The following ECE1 variants were observed in gnomAD, a reference collection of about 807,000 sequenced individuals.
The protein encoded by ECE1 is endothelin-converting enzyme 1.
In ECE1, 35 loss-of-function variants were observed where a neutral mutation model predicts 98.6. That is an observed-to-expected ratio of 0.35 (90% CI 0.27 to 0.47). The LOEUF is 0.47. Ranked by LOEUF, ECE1 falls within the 20% of genes least tolerant of loss-of-function variation. The probability of loss-of-function intolerance (pLI) is 1.00; values close to 1 mark genes in which losing one functional copy is unlikely to be tolerated. For synonymous variants in ECE1, 394 were observed against 407.1 expected, an observed-to-expected ratio of 0.97 and a Z score of 0.39; for missense variants, 814 against 1,025.3, an observed-to-expected ratio of 0.79 and a Z score of 2.81.
chr1:21,320,058 G>A (rs1368435498), intron 1 of ECE1, among the ~76,000 whole-genome samples: 1 of 152,222 alleles, frequency 6.6e-6, no homozygotes, highest in African/African-American at 2.4e-5. Context: ...ATCTCAGAAT[G>A]TTTTAAGAAA....
rs375453974 is a variant in ECE1, at chr1:21,227,198, C to A, written c.1810G>T (p.Val604Phe). The A allele has an allele frequency of 6.2e-7, 1 of 1,614,114 alleles. No homozygotes were observed. The highest frequency in any genetic ancestry group is 1.3e-5 in the African/African-American group (1 of 75,038). ...GCATGAGTCAGCTCATGGCCCACGA[C>A]GACACCTATGCCACCAAAGTTTAAG... ...KALNFGGIGV[V>F]VGHELTHAFD... The change falls in exon 16 of 19, where the codon GTC becomes TTC. Residue 604 changes from valine (V) to phenylalanine (F), a missense_variant. Coordinates refer to ENST00000374893, the MANE Select transcript of ECE1 (RefSeq NM_001397.3).
intron 2 of ECE1, chr1:21,279,553 C>T: frequency 6.9e-7 from 1 of 1,447,524 alleles, no homozygotes; most frequent in Non-Finnish European, 9.1e-7. Flanking sequence ...GAGAGTCAAG[C>T]AGCTCGGCCC....
rs781471201 is a variant in ECE1, at chr1:21,256,031, C to T, written c.936G>A (p.Thr312=). The change falls in exon 8 of 19, where the codon ACG becomes ACA. Residue 312 remains threonine, a synonymous_variant. Coordinates refer to ENST00000374893, the MANE Select transcript of ECE1 (RefSeq NM_001397.3). ...PQMQQILDFE[T]ALANITIPQE... is the part of the protein sequence containing the mutation. ...GTGGGATGGTGATGTTGGCCAGTGCCGTCTCAAAGTCCAAGATCTGCTGCA... is the reference window on the plus strand; with the variant it reads ...GTGGGATGGTGATGTTGGCCAGTGCTGTCTCAAAGTCCAAGATCTGCTGCA... The T allele has an allele frequency of 6.2e-6, 10 of 1,613,778 alleles. No homozygotes were observed. The highest frequency in any genetic ancestry group is 2.2e-5 in the South Asian group (2 of 91,084).
chr1:21,234,070 C>G (rs1444675652), intron 13 of ECE1, among the ~76,000 whole-genome samples: 1 of 152,126 alleles, frequency 6.6e-6, no homozygotes, highest in Non-Finnish European at 1.5e-5. Context: ...TCACTGCAAC[C>G]TCCACCTCCT....
rs556617559 is a variant in ECE1 at position 21,340,857 on chromosome 1, TA to T, written c.3+4518del. Among the ~76,000 whole-genome samples the T allele has an allele frequency of 5.0e-3, 757 of 152,106 alleles. 11 individuals carry two copies. Among genetic ancestry groups the T allele is most frequent in the African/African-American group, 0.018 (729 of 41,470 alleles). ...AATAAATAAGTAAATTAATTAAATTTAAAAAATAAACTCCTGAGTGGCTCCC... is the reference window on the plus strand; with the variant it reads ...AATAAATAAGTAAATTAATTAAATTTAAAAATAAACTCCTGAGTGGCTCCC... On this transcript the variant is annotated intron_variant, in intron 1 of 18. Transcript: ENST00000415912. This position sits in a 1 kb window ranked among gnomAD's most constrained non-coding sequence, Gnocchi z 4.6.
At chr1:21,257,635 G>C (rs41497052) in intron 6 of ECE1, 45 bp from the exon 7 acceptor site, 14 of 1,589,794 alleles carry the variant, frequency 8.8e-6, no homozygotes, top group Non-Finnish European at 1.7e-6. Context: ...GTTGCAATGC[G>C]TGTATCCACT....
chr1:21,332,844 G>A (rs1328329296), intron 1 of ECE1, among the ~76,000 whole-genome samples: 1 of 150,042 alleles, frequency 6.7e-6, no homozygotes, highest in Admixed American at 6.6e-5. Flanking sequence ...CACAGGATGG[G>A]GGTGGGGTGG....
In ECE1 at chr1:21,235,979, G is replaced by A. The variant is rs2098187512; in HGVS notation, c.1489-52C>T. 6.4e-7 allele frequency: 1 copy of A among 1,563,930 alleles called. No individual in the cohort carries two copies. Among genetic ancestry groups the A allele is most frequent in the South Asian group, 1.1e-5 (1 of 90,016 alleles). ...GTGCCCGGCAACATCGACCAGGCCA[G>A]CCTGAGCAACTTGGGTGCTGGGCTC... On this transcript the variant is annotated intron_variant, in intron 12 of 18. Coordinates refer to ENST00000374893, the MANE Select transcript of ECE1 (RefSeq NM_001397.3). The surrounding 1 kb of genome is among the most constrained non-coding windows in gnomAD (Gnocchi z 4.2).
chr1:21,313,028 C>A (rs1330540135), intron 1 of ECE1, among the ~76,000 whole-genome samples: 1 of 152,154 alleles, frequency 6.6e-6, no homozygotes, highest in Non-Finnish European at 1.5e-5. Context: ...GCTTGGATCA[C>A]ACAGCCAGAA....
intron 1 of ECE1, among the ~76,000 whole-genome samples, chr1:21,304,170 G>T (rs1273388198): frequency 1.3e-5 from 2 of 151,490 alleles, no homozygotes; most frequent in East Asian, 4.0e-4. Context: ...CAAAAAATTA[G>T]CCAGGTGTGG....
At chr1:21,277,015 G>A (rs545538325) in intron 3 of ECE1, among the ~76,000 whole-genome samples, 1 of 152,326 alleles carries the variant, frequency 6.6e-6, no homozygotes, top group East Asian at 1.9e-4. Flanking sequence ...ACTGCGCCCG[G>A]CCAGATTTGC....
chr1:21,332,275 G>T (rs926546142), intron 1 of ECE1, among the ~76,000 whole-genome samples: 1 of 152,106 alleles, frequency 6.6e-6, no homozygotes, highest in South Asian at 2.1e-4. Flanking sequence ...TCCCATCCCT[G>T]CCAGACACTG....
chr1:21,229,339 A>G (rs1183520486), intron 14 of ECE1, among the ~76,000 whole-genome samples: 1 of 151,354 alleles, frequency 6.6e-6, no homozygotes, highest in African/African-American at 2.4e-5. Flanking sequence ...ACTCGTGACC[A>G]TGCCTGGCTA....
chr1:21,263,357 A>ATTT (rs199626661), intron 4 of ECE1, among the ~76,000 whole-genome samples: 2 of 113,140 alleles, frequency 1.8e-5, no homozygotes, highest in African/African-American at 3.4e-5. Flanking sequence ...CTTTTTTTAT[A>ATTT]TTTATTTTTT....
chr1:21,303,933 G>A (rs1165427325), intron 1 of ECE1, among the ~76,000 whole-genome samples: 3 of 151,836 alleles, frequency 2.0e-5, no homozygotes, highest in Non-Finnish European at 4.4e-5. Flanking sequence ...TTACAGGCAT[G>A]AGTCACCGTG....
At chr1:21,337,051 C>A (rs1338247962) in intron 1 of ECE1, among the ~76,000 whole-genome samples, 2 of 152,010 alleles carry the variant, frequency 1.3e-5, no homozygotes, top group Non-Finnish European at 2.9e-5. Context: ...AAAACAACAA[C>A]AAAAAAAGAA....
At chr1:21,282,937 A>ATTTT (rs536420247) in intron 2 of ECE1, among the ~76,000 whole-genome samples, 3 of 104,496 alleles carry the variant, frequency 2.9e-5, no homozygotes, top group Non-Finnish European at 5.7e-5. Context: ...TCACAACATT[A>ATTTT]TTTTTTTTTT....
intron 7 of ECE1, among the ~76,000 whole-genome samples, 170 bp from the exon 8 acceptor site, chr1:21,256,308 C>T (rs2098219887): frequency 6.6e-6 from 1 of 152,144 alleles, no homozygotes; most frequent in Non-Finnish European, 1.5e-5. Flanking sequence ...GTAATCCTGG[C>T]ACTTTGGGAG....
chr1:21,325,912 A>T (rs1236370016), intron 1 of ECE1, among the ~76,000 whole-genome samples: 1 of 152,110 alleles, frequency 6.6e-6, no homozygotes, highest in Non-Finnish European at 1.5e-5. Flanking sequence ...TGCTCTCCGA[A>T]GCTGCCGGTG....
Sources: allele counts gnomAD v4.1 joint callset (sites outside exome capture counted in the v4.1 genomes callset), GRCh38; gene constraint gnomAD v4.1.1; non-coding constraint Gnocchi (gnomAD v3.1); transcripts MANE v1.5; gene names NCBI Gene and HGNC (gene_info 2026-07-23, HGNC 2026-07-21).